CCDC91: variants seen among roughly 807,000 people sequenced by gnomAD.
CCDC91 encodes the protein coiled-coil domain containing 91, also known as coiled-coil domain-containing protein 91.
In CCDC91, 48 loss-of-function variants were observed where a neutral mutation model predicts 63.2. The ratio of observed to expected loss-of-function variants is 0.76; its 90% CI spans 0.60 to 0.97. CCDC91 has a LOEUF of 0.97. CCDC91 is among the 50% of genes least tolerant of loss of function. The pLI is 0.00. For synonymous variants in CCDC91, 167 were observed against 165.8 expected (o/e 1.01, Z -0.06); for missense variants, 500 against 494.6 (o/e 1.01, Z -0.10).
intron 6 of CCDC91, among the ~76,000 whole-genome samples, chr12:28,356,202 A>T (rs2138390050): frequency 6.6e-6 from 1 of 152,264 alleles, no homozygotes; most frequent in East Asian, 1.9e-4. Context: ...CTTCTGTTGC[A>T]TAATGTTGTA....
Position 28,306,719 on chromosome 12 carries a change from ATTT to A in CCDC91, c.268-14_268-12del. ...TAGTGTAAACTTTCCTCTCTTGTGTATTTTTTTTTTTATGTGGTTTAGATTCAG... is the reference window on the plus strand; with the variant it reads ...TAGTGTAAACTTTCCTCTCTTGTGTATTTTTTTTATGTGGTTTAGATTCAG... On this transcript the variant is annotated intron_variant, in intron 4 of 12. Coordinates refer to ENST00000536442, the MANE Select transcript of CCDC91 (RefSeq NM_018318.5). 1.7e-6 allele frequency: 2 copies of A among 1,173,686 alleles called. No homozygotes were observed. The highest frequency in any genetic ancestry group is 2.3e-6 in the Non-Finnish European group (2 of 851,110). The allele number at this position is 1,173,686 out of a possible 1,614,324, so 72.7% of individuals were successfully genotyped here.
chr12:28,532,735 G>C (rs1461701554), intron 12 of CCDC91, among the ~76,000 whole-genome samples: 1 of 152,046 alleles, frequency 6.6e-6, no homozygotes, highest in African/African-American at 2.4e-5. Flanking sequence ...TAAAGTTTTA[G>C]ATGGCAACTT....
intron 8 of CCDC91, among the ~76,000 whole-genome samples, chr12:28,429,712 T>C (rs751792467): frequency 3.3e-5 from 5 of 152,222 alleles, no homozygotes; most frequent in South Asian, 2.1e-4. Context: ...CTTAAATGCA[T>C]GTGTATTTTT....
chr12:28,213,668 C>T (rs181934010), intron 1 of CCDC91, among the ~76,000 whole-genome samples: 1 of 152,326 alleles, frequency 6.6e-6, no homozygotes, highest in East Asian at 1.9e-4. Flanking sequence ...AACTACCAGA[C>T]ATGGATTTAA....
chr12:28,414,972 C>T (rs899723748), intron 8 of CCDC91, among the ~76,000 whole-genome samples: 6 of 152,082 alleles, frequency 3.9e-5, no homozygotes, highest in African/African-American at 9.7e-5. Context: ...AAATTAAACT[C>T]TTTCTTTCTT....
At chr12:28,457,574 A>G (rs1950110639) in intron 11 of CCDC91, among the ~76,000 whole-genome samples, 1 of 150,970 alleles carries the variant, frequency 6.6e-6, no homozygotes, top group African/African-American at 2.4e-5. Context: ...TTACCTCCAG[A>G]TTTCCTCTCT....
intron 11 of CCDC91, among the ~76,000 whole-genome samples, chr12:28,478,558 A>G (rs1196209497): frequency 1.3e-5 from 2 of 152,204 alleles, no homozygotes; most frequent in Non-Finnish European, 2.9e-5. Context: ...ATGGGCAAGG[A>G]CTTCATATTT....
intron 6 of CCDC91, among the ~76,000 whole-genome samples, chr12:28,314,362 A>C (rs530454080): frequency 6.6e-6 from 1 of 152,110 alleles, no homozygotes; most frequent in South Asian, 2.1e-4. Flanking sequence ...GTACTCTTTA[A>C]AAATAAGTAC....
At chr12:28,477,428 G>A (rs892862276) in intron 11 of CCDC91, among the ~76,000 whole-genome samples, 1 of 152,046 alleles carries the variant, frequency 6.6e-6, no homozygotes, top group Non-Finnish European at 1.5e-5. Flanking sequence ...AACCCTTCAT[G>A]CTAAAAACTC....
In CCDC91 at chr12:28,366,921, T is replaced by A. The variant is rs1944313100; in HGVS notation, c.654+4406T>A. ...AAGGAGATCCTTGTTCCCTGTATGC[T>A]GAGTGCTAGTAGAGGCTGAGTTGGG... is the stretch of plus-strand genomic sequence containing the variant. On this transcript the variant is annotated intron_variant, in intron 7 of 12. Coordinates refer to ENST00000536442, the MANE Select transcript of CCDC91 (RefSeq NM_018318.5). Among the ~76,000 whole-genome samples, 3 of 152,096 alleles carry A rather than the reference T, an allele frequency of 2.0e-5. No individual in the cohort carries two copies. The South Asian group carries it at 6.2e-4, about 32-fold the overall frequency.
intron 12 of CCDC91, among the ~76,000 whole-genome samples, chr12:28,506,907 A>G (rs966601912): frequency 4.0e-5 from 6 of 151,874 alleles, no homozygotes; most frequent in Non-Finnish European, 8.8e-5. Flanking sequence ...CATGGTATGT[A>G]GATAGATCAA....
intron 12 of CCDC91, among the ~76,000 whole-genome samples, chr12:28,547,858 A>T (rs953373071): frequency 6.6e-6 from 1 of 152,152 alleles, no homozygotes. Context: ...GTATACTTTA[A>T]TGAGAATTAT....
intron 12 of CCDC91, among the ~76,000 whole-genome samples, chr12:28,491,672 T>C (rs998888936): frequency 6.6e-6 from 1 of 151,800 alleles, no homozygotes; most frequent in Non-Finnish European, 1.5e-5. Context: ...CTTAAAAGAA[T>C]AAGCAAATTT....
intron 7 of CCDC91, among the ~76,000 whole-genome samples, chr12:28,381,100 C>T (rs1592496090): frequency 6.6e-6 from 1 of 152,078 alleles, no homozygotes; most frequent in African/African-American, 2.4e-5. Context: ...TTTTAAATTT[C>T]TTTCCGGTTT....
chr12:28,292,866 T>C (rs1475887267), intron 3 of CCDC91, among the ~76,000 whole-genome samples: 1 of 152,184 alleles, frequency 6.6e-6, no homozygotes, highest in Admixed American at 6.5e-5. Context: ...CTAAAGTGAA[T>C]AATTCTGTTT....
chr12:28,331,196 A>G (rs1254761056), intron 6 of CCDC91, among the ~76,000 whole-genome samples: 1 of 152,248 alleles, frequency 6.6e-6, no homozygotes, highest in Non-Finnish European at 1.5e-5. Context: ...GGTGATAATA[A>G]AAACGGATGG....
chr12:28,304,048 C>T (rs1938373036), intron 3 of CCDC91, among the ~76,000 whole-genome samples: 1 of 151,774 alleles, frequency 6.6e-6, no homozygotes, highest in Non-Finnish European at 1.5e-5. Flanking sequence ...GTACAAACAT[C>T]AATTAAAATT....
intron 11 of CCDC91, among the ~76,000 whole-genome samples, chr12:28,480,317 T>A (rs1475244271): frequency 6.6e-6 from 1 of 151,950 alleles, no homozygotes; most frequent in African/African-American, 2.4e-5. Context: ...TTGTGATATC[T>A]CCTTCCTTAT....
chr12:28,230,949 T>G (rs1944552623), intron 1 of CCDC91, among the ~76,000 whole-genome samples: 1 of 152,180 alleles, frequency 6.6e-6, no homozygotes, highest in Admixed American at 6.5e-5. Context: ...TAATTTACAG[T>G]GTTCAAGCTA....
Sources: gnomAD v4.1 joint callset for allele counts (sites outside exome capture counted in the v4.1 genomes callset) on GRCh38, gnomAD v4.1.1 for gene constraint, MANE v1.5 for transcripts, NCBI Gene and HGNC (gene_info 2026-07-23, HGNC 2026-07-21) for gene names.